Variants in SOX6 observed in about 807,000 individuals in gnomAD.
SOX6 encodes the protein SRY-box transcription factor 6, also known as transcription factor SOX-6.
A neutral mutation model predicts 97.8 loss-of-function variants in SOX6; 11 were observed. The observed-to-expected ratio is 0.11, with a 90% CI of 0.07 to 0.19. The LOEUF (loss-of-function observed/expected upper bound fraction) is 0.19, where lower values mean the gene tolerates loss of function less well. Among genes scored for constraint, SOX6 ranks in the 10% least tolerant of loss-of-function variants. SOX6 has a pLI of 1.00. For synonymous variants in SOX6, 360 were observed against 371.4 expected, an observed-to-expected ratio of 0.97 and a Z score of 0.35; for missense variants, 810 against 1,039.5, an observed-to-expected ratio of 0.78 and a Z score of 3.04.
intron 4 of SOX6, among the ~76,000 whole-genome samples, chr11:16,502,108 T>A (rs1303802122): frequency 6.6e-6 from 1 of 152,146 alleles, no homozygotes; most frequent in Non-Finnish European, 1.5e-5. Flanking sequence ...GTGGCACATA[T>A]ATACCATGGA....
chr11:16,142,465 A>C (rs1209120439), intron 6 of SOX6, among the ~76,000 whole-genome samples: 1 of 152,220 alleles, frequency 6.6e-6, no homozygotes, highest in African/African-American at 2.4e-5. Context: ...CCAAAGGAAC[A>C]CAGCTCCTCA....
Position 15,967,805 on chromosome 11 carries a change from T to C in SOX6, c.*5004A>G, listed in dbSNP as rs1853182570. 1.3e-5 allele frequency: 2 copies of C among 152,158 alleles called. No individual in the cohort carries two copies. The highest frequency in any genetic ancestry group is 6.5e-5 in the Admixed American group (1 of 15,276). 9.4% of individuals were successfully genotyped at this position (152,158 alleles called of 1,614,324 possible). A position where few individuals can be genotyped will look rare whatever the true frequency, so the allele number is the denominator to read the frequency against. ...AGGAATAAGAAACTACTGAGCAAGA[T>C]ATGTCACTGAGTTTTCTTCAAGCGT... On this transcript the variant is annotated 3_prime_UTR_variant, in exon 16 of 16. Coordinates refer to ENST00000683767, the MANE Select transcript of SOX6 (RefSeq NM_001367873.1).
At chr11:16,323,649 C>T (rs1429341365) in intron 2 of SOX6, among the ~76,000 whole-genome samples, 1 of 152,134 alleles carries the variant, frequency 6.6e-6, no homozygotes, top group Non-Finnish European at 1.5e-5. Flanking sequence ...ACCTCACTAT[C>T]ATGCTACCCT....
chr11:16,629,306 C>A (rs768927497), intron 3 of SOX6, among the ~76,000 whole-genome samples: 1 of 152,034 alleles, frequency 6.6e-6, no homozygotes, highest in African/African-American at 2.4e-5. Flanking sequence ...TACCACGAAG[C>A]GATGTTGGAT....
intron 13 of SOX6, among the ~76,000 whole-genome samples, chr11:16,007,829 T>C (rs569307484): frequency 6.6e-6 from 1 of 152,246 alleles, no homozygotes; most frequent in South Asian, 2.1e-4. Flanking sequence ...GAAGCAGACA[T>C]ACATACTGCT....
chr11:16,090,871 C>T (rs902463768), intron 9 of SOX6, among the ~76,000 whole-genome samples: 3 of 151,974 alleles, frequency 2.0e-5, no homozygotes, highest in African/African-American at 2.4e-5. Flanking sequence ...ACTGAGGTTA[C>T]TGAAAAGTTT....
At chr11:16,501,309 T>A (rs1409778170) in intron 4 of SOX6, among the ~76,000 whole-genome samples, 1 of 150,218 alleles carries the variant, frequency 6.7e-6, no homozygotes, top group Non-Finnish European at 1.5e-5. Flanking sequence ...AAAAATTAAT[T>A]CAAGATGGAT....
chr11:16,360,491 T>G (rs1857184537), upstream of SOX6, among the ~76,000 whole-genome samples: 1 of 152,164 alleles, frequency 6.6e-6, no homozygotes, highest in Non-Finnish European at 1.5e-5. Flanking sequence ...TTTCCTCCTA[T>G]ATGTTTATGT....
chr11:16,486,957 T>A (rs1234647994), intron 4 of SOX6, among the ~76,000 whole-genome samples: 1 of 151,954 alleles, frequency 6.6e-6, no homozygotes, highest in Non-Finnish European at 1.5e-5. Flanking sequence ...CACAAACCAA[T>A]CAATTCTATG....
chr11:16,361,593 T>C (rs985784592), intron 1 of SOX6, among the ~76,000 whole-genome samples: 5 of 152,180 alleles, frequency 3.3e-5, no homozygotes, highest in African/African-American at 9.7e-5. Context: ...CCAAATTAGA[T>C]AGCATACCTC....
At chr11:15,990,274 G>T (rs774948427) in intron 13 of SOX6, among the ~76,000 whole-genome samples, 6 of 151,876 alleles carry the variant, frequency 4.0e-5, no homozygotes, top group Non-Finnish European at 7.4e-5. Context: ...ATTAAGCAAA[G>T]ATTATTTGGT....
chr11:16,714,545 G>A (rs1401814818), intron 3 of SOX6, among the ~76,000 whole-genome samples: 7 of 147,322 alleles, frequency 4.8e-5, no homozygotes, highest in African/African-American at 1.8e-4. Context: ...TCCGCCTCCC[G>A]GGTTCAAGCA....
rs529513816 is a variant in SOX6, at chr11:15,970,717, C to CT, written c.*2091dup. ...AACAGAATAGCTTGTAATTTCTTGGCTAGACCTGTTTATTGCTATTAGGCC... is the reference window on the plus strand; with the variant it reads ...AACAGAATAGCTTGTAATTTCTTGGCTTAGACCTGTTTATTGCTATTAGGCC... On this transcript the variant is annotated 3_prime_UTR_variant, in exon 16 of 16. Transcript: ENST00000683767. 97 of 152,764 alleles carry CT rather than the reference C, an allele frequency of 6.3e-4. No individual in the cohort carries two copies. Among genetic ancestry groups the CT allele is most frequent in the African/African-American group, 2.2e-3 (90 of 41,576 alleles). The allele number at this position is 152,764 out of a possible 1,614,324, so 9.5% of individuals were successfully genotyped here. A position where few individuals can be genotyped will look rare whatever the true frequency, so the allele number is the denominator to read the frequency against.
At chr11:16,485,513 T>A (rs2133127845) in intron 4 of SOX6, among the ~76,000 whole-genome samples, 1 of 152,038 alleles carries the variant, frequency 6.6e-6, no homozygotes, top group South Asian at 2.1e-4. Flanking sequence ...GGGCAAGTCA[T>A]GAGGTCAGGA....
intron 6 of SOX6, among the ~76,000 whole-genome samples, chr11:16,121,006 G>T (rs957946410): frequency 1.3e-5 from 2 of 151,876 alleles, no homozygotes; most frequent in African/African-American, 4.8e-5. Flanking sequence ...GCCCTGAAAG[G>T]GCCAATCCTT....
At chr11:15,981,348 T>C (rs1212892510) in intron 15 of SOX6, among the ~76,000 whole-genome samples, 1 of 152,080 alleles carries the variant, frequency 6.6e-6, no homozygotes, top group South Asian at 2.1e-4. Context: ...AAGCTGGCCC[T>C]GATAGAGCCC....
At chr11:16,465,234 A>C (rs1334033744) in intron 1 of SOX6, among the ~76,000 whole-genome samples, 1 of 152,198 alleles carries the variant, frequency 6.6e-6, no homozygotes, top group Non-Finnish European at 1.5e-5. Context: ...CTGTGACTAC[A>C]ATTCCAGGGA....
intron 4 of SOX6, among the ~76,000 whole-genome samples, chr11:16,215,716 A>G (rs1283430297): frequency 6.6e-6 from 1 of 152,188 alleles, no homozygotes; most frequent in African/African-American, 2.4e-5. Flanking sequence ...ATTAAAAGGG[A>G]AAATTTACAG....
rs551159013 is a variant in SOX6, at chr11:16,705,532, C to T, written n.429+9298G>A. Among the ~76,000 whole-genome samples, 74 of 152,106 alleles carry T rather than the reference C, an allele frequency of 4.9e-4. 1 individual carries two copies. Among genetic ancestry groups the T allele is most frequent in the Middle Eastern group, 6.8e-3 (2 of 294 alleles). On this transcript the variant is annotated intron_variant and non_coding_transcript_variant, in intron 3 of 5. Transcript: ENST00000524520. ...GTCTTAGCTACTTGGGAGGCTGAGGCGGGAGGATGGCTTGAACCCAGGAGT... is the reference window on the plus strand; with the variant it reads ...GTCTTAGCTACTTGGGAGGCTGAGGTGGGAGGATGGCTTGAACCCAGGAGT...
Sources: gnomAD v4.1 joint callset for allele counts (sites outside exome capture counted in the v4.1 genomes callset) on GRCh38, gnomAD v4.1.1 for gene constraint, MANE v1.5 for transcripts, NCBI Gene and HGNC (gene_info 2026-07-23, HGNC 2026-07-21) for gene names.